NDUFA9: variants seen among roughly 807,000 people sequenced by gnomAD.
NDUFA9 encodes the protein NADH dehydrogenase [ubiquinone] 1 alpha subcomplex subunit 9, mitochondrial.
Under a neutral mutation model 45.9 loss-of-function variants are expected in NDUFA9, and 23 were observed. That is an observed-to-expected ratio of 0.50 (90% confidence interval 0.36 to 0.71). NDUFA9 has a LOEUF of 0.71. Among genes scored for constraint, NDUFA9 ranks in the 30% least tolerant of loss-of-function variants. The probability of loss-of-function intolerance (pLI) is 0.00; values close to 1 mark genes in which losing one functional copy is unlikely to be tolerated. For missense variants in NDUFA9, 466 were observed against 488.2 expected, an observed-to-expected ratio of 0.95 and a Z score of 0.43; for synonymous variants, 176 against 170.5, an observed-to-expected ratio of 1.03 and a Z score of -0.25.
Position 4,687,043 on chromosome 12 carries a change from C to T in NDUFA9, c.1069C>T (p.Arg357Cys), listed in dbSNP as rs371660599. Residue 357 changes from arginine to cysteine, a missense_variant, in exon 11 of 11, where the codon CGC becomes TGC. By Grantham distance (180) the Arg-to-Cys change is radical. Coordinates refer to ENST00000266544, the MANE Select transcript of NDUFA9 (RefSeq NM_005002.5). ...GGCCATTGAGGTGCTGCGGCGTCATCGCACTTACCGCTGGCTGTCTGCTGA... is the reference window on the plus strand; with the variant it reads ...GGCCATTGAGGTGCTGCGGCGTCATTGCACTTACCGCTGGCTGTCTGCTGA... ...LKAIEVLRRH[R>C]TYRWLSAEIE... is the part of the protein sequence containing the mutation. 1.3e-5 allele frequency: 21 copies of T among 1,614,084 alleles called. No homozygotes were observed. Among genetic ancestry groups the T allele is most frequent in the Admixed American group, 5.0e-5 (3 of 60,004 alleles).
intron 3 of NDUFA9, among the ~76,000 whole-genome samples, chr12:4,656,307 C>T (rs935695734): frequency 6.6e-6 from 1 of 152,112 alleles, no homozygotes. Context: ...ATTCCTAGTT[C>T]TTTGTCCCTC....
intron 8 of NDUFA9, among the ~76,000 whole-genome samples, chr12:4,676,460 A>G (rs371613998): frequency 6.6e-5 from 10 of 152,340 alleles, no homozygotes; most frequent in Non-Finnish European, 1.3e-4. Flanking sequence ...TACAAAATCA[A>G]TGTGCAAAAA....
intron 7 of NDUFA9, 180 bp downstream of exon 7, chr12:4,668,704 A>C (rs1945867896): frequency 1.7e-6 from 1 of 603,942 alleles, no homozygotes; most frequent in South Asian, 2.0e-5. Context: ...TCACTTGTTC[A>C]TTTAAGAAAA....
intron 9 of NDUFA9, 136 bp downstream of exon 9, chr12:4,682,436 A>C (rs1490226987): frequency 2.1e-6 from 1 of 479,732 alleles, no homozygotes; most frequent in African/African-American, 2.0e-5. Context: ...ATTAGCATAG[A>C]GAAGAAGCAG....
chr12:4,654,101 G>T (rs1413423533), intron 1 of NDUFA9, among the ~76,000 whole-genome samples, 191 bp from the exon 2 acceptor site: 1 of 152,134 alleles, frequency 6.6e-6, no homozygotes, highest in Non-Finnish European at 1.5e-5. Context: ...AGGGTAGGGA[G>T]TATATTTCCT....
chr12:4,661,006 T>TC (rs1467696879), intron 5 of NDUFA9, among the ~76,000 whole-genome samples: 1 of 151,710 alleles, frequency 6.6e-6, no homozygotes, highest in Non-Finnish European at 1.5e-5. Flanking sequence ...TGGTATGTTT[T>TC]TTTTTAAGGT....
intron 1 of NDUFA9, among the ~76,000 whole-genome samples, chr12:4,650,004 C>T (rs1236336904): frequency 6.6e-6 from 1 of 152,174 alleles, no homozygotes; most frequent in African/African-American, 2.4e-5. Context: ...CCAATCAAAC[C>T]CCCAAAGTTG....
At position 4,687,210 on chromosome 12, in the gene NDUFA9, A is replaced by T; in HGVS notation, c.*102A>T. On this transcript the variant is annotated 3_prime_UTR_variant, in exon 11 of 11. Coordinates refer to ENST00000266544, the MANE Select transcript of NDUFA9 (RefSeq NM_005002.5). ...TTTAGAGGATCCTGTACACAGTTCC[A>T]CTATTAAAACATTTCAGGTTGAATT... 1 of 1,051,530 alleles carries T rather than the reference A, an allele frequency of 9.5e-7. No homozygotes were observed. Among genetic ancestry groups the T allele is most frequent in the South Asian group, 2.0e-5 (1 of 50,292 alleles). 65.1% of individuals were successfully genotyped at this position (1,051,530 alleles called of 1,614,324 possible).
intron 1 of NDUFA9, among the ~76,000 whole-genome samples, chr12:4,650,435 T>A (rs928765330): frequency 6.6e-6 from 1 of 152,248 alleles, no homozygotes; most frequent in African/African-American, 2.4e-5. Context: ...GAGTACCTGC[T>A]ATCTGCAATC....
At chr12:4,682,155 A>G in intron 8 of NDUFA9, 50 bp from the exon 9 acceptor site, 2 of 1,362,716 alleles carry the variant, frequency 1.5e-6, no homozygotes, top group South Asian at 1.3e-5. Flanking sequence ...TATAAAGGAA[A>G]CTTTGTGAGA....
intron 1 of NDUFA9, among the ~76,000 whole-genome samples, chr12:4,652,239 T>C (rs1417070531): frequency 6.6e-6 from 1 of 152,186 alleles, no homozygotes; most frequent in Non-Finnish European, 1.5e-5. Context: ...CAACTATTCA[T>C]TCCCTTTCCT....
intron 3 of NDUFA9, among the ~76,000 whole-genome samples, chr12:4,656,885 C>T (rs1945793870): frequency 6.6e-6 from 1 of 152,228 alleles, no homozygotes; most frequent in Non-Finnish European, 1.5e-5. Context: ...TTTTAACCCA[C>T]TTTCTATCAT....
In NDUFA9 at chr12:4,686,971, C is replaced by T; in HGVS notation, c.997C>T (p.Pro333Ser). Residue 333 changes from proline (P) to serine (S), a missense_variant, in exon 11 of 11, where the codon CCT becomes TCT. By Grantham distance (74) the Pro-to-Ser change is moderately conservative. Transcript: ENST00000266544. The stretch of plus-strand genomic sequence containing the variant: ...CACAGACATGAAATTGCCTCACCTG[C>T]CTGGCTTAGAAGACCTTGGTATTCA... ...HITDMKLPHL[P>S]GLEDLGIQAT... is the part of the protein sequence containing the mutation. 1 of 1,614,156 alleles carries T rather than the reference C, an allele frequency of 6.2e-7. No homozygotes were observed.
intron 10 of NDUFA9, among the ~76,000 whole-genome samples, chr12:4,685,919 A>G (rs1157586968): frequency 1.3e-5 from 2 of 152,218 alleles, no homozygotes; most frequent in South Asian, 2.1e-4. Context: ...TGGAAGACCT[A>G]TGGACCATAT....
At position 4,688,830 on chromosome 12, in the gene NDUFA9, T is replaced by A. The variant is rs1194786225; in HGVS notation, c.*1722T>A. 6.6e-6 allele frequency: 1 copy of A among 152,250 alleles called. No individual in the cohort carries two copies. The highest frequency in any genetic ancestry group is 2.4e-5 in the African/African-American group (1 of 41,466). 9.4% of individuals were successfully genotyped at this position (152,250 alleles called of 1,614,324 possible). ...CGTTTTTTCTTCAGATGCTGTCTGT[T>A]ATTTTGGATGACACCCCTCCTGGCC... is the stretch of plus-strand genomic sequence containing the variant. On this transcript the variant is annotated 3_prime_UTR_variant, in exon 11 of 11. Coordinates refer to ENST00000266544, the MANE Select transcript of NDUFA9 (RefSeq NM_005002.5).
At chr12:4,662,662 G>C in intron 6 of NDUFA9, 27 bp downstream of exon 6, 1 of 1,552,786 alleles carries the variant, frequency 6.4e-7, no homozygotes, top group Non-Finnish European at 8.9e-7. Context: ...AATGGTAGAA[G>C]AGAGGGATAC....
Position 4,657,733 on chromosome 12 carries a change from T to G in NDUFA9, c.319-15T>G. ...TACCCCTATGTTTTCATCCGATTGC[T>G]TTCTGCTATTATAGGAATGGGACGC... On this transcript the variant is annotated splice_polypyrimidine_tract_variant and intron_variant, in intron 3 of 10. Coordinates refer to ENST00000266544, the MANE Select transcript of NDUFA9 (RefSeq NM_005002.5). The G allele has an allele frequency of 6.3e-7, 1 of 1,595,770 alleles. No homozygotes were observed. The highest frequency in any genetic ancestry group is 8.6e-7 in the Non-Finnish European group (1 of 1,164,352).
chr12:4,690,987 G>A lies in NDUFA9; in HGVS notation c.*3879G>A, dbSNP rs1346183387. ...TGGGTGGTTATGAGTGGGAGGCAGA[G>A]TCCGTGAGTTGGGAGGGGCACAAGC... On this transcript the variant is annotated 3_prime_UTR_variant, in exon 11 of 11. Coordinates refer to ENST00000266544, the MANE Select transcript of NDUFA9 (RefSeq NM_005002.5). 6.6e-6 allele frequency: 1 copy of A among 152,278 alleles called. No homozygotes were observed. Among genetic ancestry groups the A allele is most frequent in the Non-Finnish European group, 1.5e-5 (1 of 68,050 alleles). The allele number at this position is 152,278 out of a possible 1,614,324, so 9.4% of individuals were successfully genotyped here.
rs1945780022 is a variant in NDUFA9, at chr12:4,654,805, T to C, written c.221-20T>C. The C allele has an allele frequency of 6.4e-7, 1 of 1,567,760 alleles. No individual in the cohort carries two copies. The highest frequency in any genetic ancestry group is 1.2e-5 in the South Asian group (1 of 86,530). On this transcript the variant is annotated intron_variant, in intron 2 of 10. Transcript: ENST00000266544. Reference sequence around the variant, plus strand: ...ACATTATGTTAATGTTGATCCTTTTTTCAATCCATTCTCTTTTAGGACGCA... The same window carrying C: ...ACATTATGTTAATGTTGATCCTTTTCTCAATCCATTCTCTTTTAGGACGCA...
Sources: gnomAD v4.1 joint callset for allele counts (sites outside exome capture counted in the v4.1 genomes callset) on GRCh38, gnomAD v4.1.1 for gene constraint, MANE v1.5 for transcripts, NCBI Gene and HGNC (gene_info 2026-07-23, HGNC 2026-07-21) for gene names.